EXOC4: variants seen among roughly 807,000 people sequenced by gnomAD.
The protein encoded by EXOC4 is SEC8-like 1.
EXOC4 carries 71 observed loss-of-function variants against 107.2 expected under a neutral mutation model. The observed-to-expected ratio is 0.66, with a 90% CI of 0.55 to 0.81. The LOEUF (loss-of-function observed/expected upper bound fraction) is 0.81. Among genes scored for constraint, EXOC4 ranks in the 30% least tolerant of loss-of-function variants. The pLI, the probability that EXOC4 is intolerant of heterozygous loss-of-function variation, is 0.00. For missense variants in EXOC4, 1,108 were observed against 1,189.6 expected, an observed-to-expected ratio of 0.93 and a Z score of 1.01; for synonymous variants, 456 against 441.2, an observed-to-expected ratio of 1.03 and a Z score of -0.42.
intron 10 of EXOC4, among the ~76,000 whole-genome samples, chr7:133,769,832 A>G (rs1796210026): frequency 6.6e-6 from 1 of 151,880 alleles, no homozygotes. Context: ...GGCTATTAGC[A>G]ATCACCACAG....
rs909861256 is a variant in EXOC4, at chr7:133,890,436, C to G, written c.1735-5163C>G. ...GAAGCTCTTGAGTTTAATTAGATCC[C>G]ATTTGTCAATTTTGGCTTTGGTTGC... On this transcript the variant is annotated intron_variant, in intron 11 of 17. Transcript: ENST00000253861. Among the ~76,000 whole-genome samples, 9 of 101,156 alleles carry G rather than the reference C, an allele frequency of 8.9e-5. 1 individual carries two copies. The highest frequency in any genetic ancestry group is 5.9e-4 in the Admixed American group (7 of 11,918). 66.4% of individuals were successfully genotyped at this position (101,156 alleles called of 152,430 possible).
intron 10 of EXOC4, among the ~76,000 whole-genome samples, chr7:133,773,464 T>TTTTTTATTATTATTATTATTA (rs1554399478): frequency 1.3e-5 from 2 of 149,226 alleles, no homozygotes; most frequent in African/African-American, 5.0e-5. Context: ...TTACTAGGTT[T>TTTTTTATTATTATTATTATTA]TTATTATTAT....
At chr7:133,766,387 G>A (rs1449488127) in intron 10 of EXOC4, among the ~76,000 whole-genome samples, 1 of 151,966 alleles carries the variant, frequency 6.6e-6, no homozygotes, top group African/African-American at 2.4e-5. Context: ...TTAAAGGAAA[G>A]CAACTCGCTT....
chr7:133,964,485 G>C (rs141299861), intron 14 of EXOC4, among the ~76,000 whole-genome samples: 2 of 151,834 alleles, frequency 1.3e-5, no homozygotes, highest in Non-Finnish European at 2.9e-5. Flanking sequence ...CCTAGCCCCC[G>C]ACCTCCCGAC....
intron 10 of EXOC4, among the ~76,000 whole-genome samples, chr7:133,701,763 C>T (rs1794659861): frequency 6.6e-6 from 1 of 151,904 alleles, no homozygotes; most frequent in South Asian, 2.1e-4. Context: ...TAAGGTTGGA[C>T]CCCAGTCTAA....
intron 9 of EXOC4, among the ~76,000 whole-genome samples, chr7:133,608,444 A>G (rs1585029382): frequency 6.6e-6 from 1 of 152,096 alleles, no homozygotes; most frequent in Admixed American, 6.6e-5. Context: ...GTGGTATTCA[A>G]ACTTGCTGCA....
intron 7 of EXOC4, among the ~76,000 whole-genome samples, chr7:133,422,574 A>G (rs1006914369): frequency 6.6e-6 from 1 of 152,226 alleles, no homozygotes; most frequent in Non-Finnish European, 1.5e-5. Context: ...ATTATAGTCA[A>G]ACTGCATGAA....
intron 13 of EXOC4, among the ~76,000 whole-genome samples, chr7:133,933,554 G>A (rs1248275452): frequency 6.6e-6 from 1 of 152,156 alleles, no homozygotes; most frequent in African/African-American, 2.4e-5. Context: ...AATACATAGT[G>A]TCTTCATTAA....
chr7:133,799,980 C>T (rs1304237531), intron 10 of EXOC4, among the ~76,000 whole-genome samples: 1 of 152,116 alleles, frequency 6.6e-6, no homozygotes, highest in Non-Finnish European at 1.5e-5. Flanking sequence ...GTAGCTGTAG[C>T]TTTATAGAAG....
At chr7:133,910,388 T>C (rs1216942071) in intron 12 of EXOC4, among the ~76,000 whole-genome samples, 2 of 152,228 alleles carry the variant, frequency 1.3e-5, no homozygotes, top group African/African-American at 2.4e-5. Context: ...AAACTGTCAT[T>C]GCAAAGCCTT....
chr7:133,614,898 A>G (rs1438860391), intron 9 of EXOC4, among the ~76,000 whole-genome samples: 1 of 152,092 alleles, frequency 6.6e-6, no homozygotes, highest in Non-Finnish European at 1.5e-5. Flanking sequence ...GGAATTAACA[A>G]AAGACAACTT....
At chr7:133,993,282 G>C (rs940117484) in intron 14 of EXOC4, among the ~76,000 whole-genome samples, 2 of 152,144 alleles carry the variant, frequency 1.3e-5, no homozygotes, top group African/African-American at 4.8e-5. Flanking sequence ...CCTGTCAAAT[G>C]ATGAGTTGTA....
intron 9 of EXOC4, among the ~76,000 whole-genome samples, chr7:133,574,761 C>G (rs10755879): frequency 1.3e-3 from 203 of 152,196 alleles, no homozygotes; most frequent in African/African-American, 4.8e-3. Flanking sequence ...TCTTCATGAT[C>G]TTTCTCATTA....
At chr7:133,904,284 G>C (rs1799519725) in intron 12 of EXOC4, among the ~76,000 whole-genome samples, 2 of 152,202 alleles carry the variant, frequency 1.3e-5, no homozygotes, top group Admixed American at 6.5e-5. Context: ...TTTTTGGCCA[G>C]GGAAGTAGCG....
At chr7:133,571,331 C>T (rs996559528) in intron 9 of EXOC4, among the ~76,000 whole-genome samples, 1 of 152,130 alleles carries the variant, frequency 6.6e-6, no homozygotes, top group African/African-American at 2.4e-5. Flanking sequence ...CGTGTCTTCA[C>T]CCTTTTGTGC....
At chr7:133,550,082 C>T (rs1234378001) in intron 9 of EXOC4, among the ~76,000 whole-genome samples, 1 of 152,116 alleles carries the variant, frequency 6.6e-6, no homozygotes, top group Non-Finnish European at 1.5e-5. Context: ...TGAATTGAAG[C>T]CATGCTTTTT....
At chr7:133,683,368 T>C (rs986260384) in intron 10 of EXOC4, among the ~76,000 whole-genome samples, 9 of 152,154 alleles carry the variant, frequency 5.9e-5, no homozygotes, top group Non-Finnish European at 1.0e-4. Flanking sequence ...TTAATTTAAC[T>C]CACAGTGTAC....
intron 10 of EXOC4, among the ~76,000 whole-genome samples, chr7:133,668,564 T>C (rs1310770975): frequency 6.6e-6 from 1 of 152,244 alleles, no homozygotes; most frequent in African/African-American, 2.4e-5. Flanking sequence ...AGTATCATAC[T>C]GTGGCTTTCT....
chr7:133,357,372 G>T (rs760444358), intron 6 of EXOC4, among the ~76,000 whole-genome samples: 1 of 152,184 alleles, frequency 6.6e-6, no homozygotes, highest in Non-Finnish European at 1.5e-5. Context: ...TAGTCCATTT[G>T]ATTCTAAAAT....
Sources: allele counts gnomAD v4.1 joint callset (sites outside exome capture counted in the v4.1 genomes callset), GRCh38; gene constraint gnomAD v4.1.1; transcripts MANE v1.5; gene names NCBI Gene and HGNC (gene_info 2026-07-23, HGNC 2026-07-21).